Variants in KCNH1 observed in about 807,000 individuals in gnomAD.
KCNH1 encodes the protein potassium voltage-gated channel subfamily H member 1.
A neutral mutation model predicts 69.2 loss-of-function variants in KCNH1; 27 were observed. The ratio of observed to expected loss-of-function variants is 0.39; its 90% CI spans 0.29 to 0.54. The LOEUF (loss-of-function observed/expected upper bound fraction) is 0.54, where lower values mean the gene tolerates loss of function less well. KCNH1 is among the 20% of genes least tolerant of loss of function. KCNH1 has a pLI of 0.68. For synonymous variants in KCNH1, 456 were observed against 487.7 expected (o/e 0.93, Z 0.86); for missense variants, 798 against 1,261.6 (o/e 0.63, Z 5.57).
intron 10 of KCNH1, among the ~76,000 whole-genome samples, chr1:210,736,041 CT>C (rs886974807): frequency 2.4e-4 from 36 of 148,646 alleles, no homozygotes; most frequent in East Asian, 7.8e-4. Context: ...TTAGTTTTAA[CT>C]TTTTTTTTTA....
At chr1:211,119,005 T>G (rs767294890) in intron 1 of KCNH1, among the ~76,000 whole-genome samples, 1 of 152,230 alleles carries the variant, frequency 6.6e-6, no homozygotes, top group Admixed American at 6.5e-5. Context: ...GAAGAGCACA[T>G]GTCTTCCTGA....
intron 5 of KCNH1, among the ~76,000 whole-genome samples, chr1:211,054,517 G>A (rs957487571): frequency 1.3e-5 from 2 of 151,854 alleles, no homozygotes; most frequent in East Asian, 1.9e-4. Flanking sequence ...CAAACAAAAT[G>A]GTAAAATATA....
chr1:211,119,623 A>G (rs1018815726), intron 1 of KCNH1, among the ~76,000 whole-genome samples: 1 of 152,180 alleles, frequency 6.6e-6, no homozygotes, highest in Non-Finnish European at 1.5e-5. Flanking sequence ...TTAAATCAGT[A>G]TGATATACCC....
At chr1:210,855,915 T>C (rs1468639686) in intron 7 of KCNH1, among the ~76,000 whole-genome samples, 4 of 152,190 alleles carry the variant, frequency 2.6e-5, no homozygotes, top group Non-Finnish European at 4.4e-5. Context: ...TTAAAAAAAG[T>C]AGGCAATTAG....
intron 5 of KCNH1, among the ~76,000 whole-genome samples, chr1:211,053,674 A>C (rs1690249166): frequency 6.6e-6 from 1 of 152,202 alleles, no homozygotes; most frequent in Non-Finnish European, 1.5e-5. Flanking sequence ...CCAAGGCTAA[A>C]ACTCTTACAG....
At position 211,073,696 on chromosome 1, in the gene KCNH1, G is replaced by A. The variant is rs1042426713; in HGVS notation, c.558+9084C>T. 4.0e-5 allele frequency among the ~76,000 whole-genome samples: 6 copies of A among 151,860 alleles called. 1 individual carries two copies. Among genetic ancestry groups the A allele is most frequent in the South Asian group, 2.1e-4 (1 of 4,812 alleles). On this transcript the variant is annotated intron_variant, in intron 5 of 10. Coordinates refer to ENST00000271751, the MANE Select transcript of KCNH1 (RefSeq NM_172362.3). The stretch of plus-strand genomic sequence containing the variant: ...AAAAAGAGAATACAAATTAAAATTC[G>A]TGGCATGCAGCAAAAGCAGTGTTTA...
At chr1:210,843,148 G>A (rs756521016) in intron 7 of KCNH1, among the ~76,000 whole-genome samples, 13 of 152,144 alleles carry the variant, frequency 8.5e-5, no homozygotes, top group African/African-American at 1.4e-4. Context: ...CTCTCTTAGC[G>A]GAAGCAAGAA....
chr1:211,067,162 T>C (rs949610471), intron 5 of KCNH1, among the ~76,000 whole-genome samples: 5 of 152,148 alleles, frequency 3.3e-5, no homozygotes, highest in Non-Finnish European at 7.4e-5. Context: ...ACACAGCAAA[T>C]CCTGCTGAGC....
At chr1:210,740,737 A>G (rs1307795567) in intron 10 of KCNH1, among the ~76,000 whole-genome samples, 1 of 140,806 alleles carries the variant, frequency 7.1e-6, no homozygotes, top group Non-Finnish European at 1.5e-5. Flanking sequence ...TTTTTTACTA[A>G]AAGAAACTTT....
At chr1:211,096,281 CT>C (rs1691152331) in intron 3 of KCNH1, among the ~76,000 whole-genome samples, 1 of 152,126 alleles carries the variant, frequency 6.6e-6, no homozygotes, top group African/African-American at 2.4e-5. Context: ...CCAAACTAGT[CT>C]TGAACTCCTG....
chr1:210,873,661 A>G (rs1686302179), intron 7 of KCNH1, among the ~76,000 whole-genome samples: 1 of 152,132 alleles, frequency 6.6e-6, no homozygotes, highest in Non-Finnish European at 1.5e-5. Context: ...CACCAGGCCC[A>G]GCCCTAGGGT....
intron 10 of KCNH1, among the ~76,000 whole-genome samples, chr1:210,697,601 A>G (rs1397847153): frequency 6.6e-6 from 1 of 152,264 alleles, no homozygotes; most frequent in Non-Finnish European, 1.5e-5. Context: ...CAAACTGCAC[A>G]TTCACACAAA....
intron 10 of KCNH1, among the ~76,000 whole-genome samples, chr1:210,746,233 A>C (rs1683152870): frequency 6.6e-6 from 1 of 152,184 alleles, no homozygotes; most frequent in South Asian, 2.1e-4. Flanking sequence ...GCAAGGCCCC[A>C]GATGCACTTT....
chr1:211,127,738 G>C (rs1025710598), intron 1 of KCNH1, among the ~76,000 whole-genome samples: 1 of 152,184 alleles, frequency 6.6e-6, no homozygotes, highest in African/African-American at 2.4e-5. Flanking sequence ...GTGCTGCAGT[G>C]ATAGAAACGC....
intron 7 of KCNH1, among the ~76,000 whole-genome samples, chr1:210,906,534 G>A (rs1396700875): frequency 6.6e-6 from 1 of 152,242 alleles, no homozygotes; most frequent in Non-Finnish European, 1.5e-5. Flanking sequence ...GCTTTCAGCA[G>A]TATCCCAGAA....
At chr1:210,961,834 G>A (rs769303861) in intron 6 of KCNH1, among the ~76,000 whole-genome samples, 6 of 128,044 alleles carry the variant, frequency 4.7e-5, no homozygotes, top group Non-Finnish European at 8.3e-5. Context: ...GAGCAAAACT[G>A]TCTCAAAAAA....
At chr1:210,775,201 G>A (rs1437760946) in intron 10 of KCNH1, 147 bp downstream of exon 10, 1 of 659,806 alleles carries the variant, frequency 1.5e-6, no homozygotes, top group Non-Finnish European at 2.6e-6. Context: ...TATAGCAAAA[G>A]CCCCGCAGAG....
chr1:210,770,558 T>C (rs1001531426), intron 10 of KCNH1, among the ~76,000 whole-genome samples: 1 of 152,368 alleles, frequency 6.6e-6, no homozygotes, highest in East Asian at 1.9e-4. Flanking sequence ...ACTAATAGCA[T>C]GGCCGGGTTA....
At chr1:210,860,567 C>T (rs988131381) in intron 7 of KCNH1, 2 of 863,732 alleles carry the variant, frequency 2.3e-6, no homozygotes, top group Admixed American at 1.7e-5. Flanking sequence ...GGAGTAACTT[C>T]TTCACTATTT....
Sources: allele counts gnomAD v4.1 joint callset (sites outside exome capture counted in the v4.1 genomes callset), GRCh38; gene constraint gnomAD v4.1.1; transcripts MANE v1.5; gene names NCBI Gene and HGNC (gene_info 2026-07-23, HGNC 2026-07-21).